CELSR1: variants seen among roughly 807,000 people sequenced by gnomAD.
The protein encoded by CELSR1 is adhesion G protein-coupled receptor C1.
In CELSR1, 110 loss-of-function variants were observed where a neutral mutation model predicts 249.1. The observed-to-expected ratio is 0.44, with a 90% CI of 0.38 to 0.52. The LOEUF (loss-of-function observed/expected upper bound fraction) is 0.52, where lower values mean the gene tolerates loss of function less well. Among genes scored for constraint, CELSR1 ranks in the 20% least tolerant of loss-of-function variants. CELSR1 has a pLI of 0.00. For synonymous variants in CELSR1, 2,113 were observed against 1,900.0 expected (o/e 1.11, Z -2.92); for missense variants, 4,109 against 4,296.4 (o/e 0.96, Z 1.22).
Position 46,389,301 on chromosome 22 carries a change from C to T in CELSR1, c.6544G>A (p.Asp2182Asn), listed in dbSNP as rs752702347. The T allele has an allele frequency of 6.9e-6, 11 of 1,605,778 alleles. No individual in the cohort carries two copies. Among genetic ancestry groups the T allele is most frequent in the African/African-American group, 1.3e-5 (1 of 74,892 alleles). ...GGCCACCCGCCTACCTCGTGAAAGT[C>T]GGCGTCCTGCGTGGCTGCCAGGTCG... ...GFDLAATQDA[D>N]FHEDVIHSGS... Residue 2182 changes from aspartate to asparagine, a missense_variant, in exon 18 of 35, where the codon GAC (aspartate) becomes AAC (asparagine). This residue lies in a region of CELSR1 where 1,805 missense variants were observed against 1,831.6 expected (regional missense o/e 0.99). Transcript: ENST00000674500.
Position 46,365,668 on chromosome 22 carries a change from G to C in CELSR1, c.8322C>G (p.Leu2774=), listed in dbSNP as rs34184256. The C allele has an allele frequency of 0.015, 23,978 of 1,580,286 alleles. 250 individuals carry two copies. Among genetic ancestry groups the C allele is most frequent in the South Asian group, 0.033 (2,863 of 86,324 alleles). ...SIVRDEGIQK[L]GVSSGLVRGS... ...CCCTCACCAGCCCAGAGGACACGCC[G>C]AGCTTCTGGATCCCTTCATCCCTAG... The change falls in exon 31 of 35, where the codon CTC becomes CTG. Residue 2774 remains leucine (L), a synonymous_variant. Coordinates refer to ENST00000674500, the MANE Select transcript of CELSR1 (RefSeq NM_001378328.1).
Position 46,469,357 on chromosome 22 carries a change from CTGG to C in CELSR1, c.3545-5015_3545-5013del, listed in dbSNP as rs2080130042. On this transcript the variant is annotated intron_variant, in intron 1 of 34. Coordinates refer to ENST00000674500, the MANE Select transcript of CELSR1 (RefSeq NM_001378328.1). ...CTGCCCCGGGGCCTTTGCGCATCTCCTGGCTGGAGCACTGCCCTCCTTCTCAGA... is the reference window on the plus strand; with the variant it reads ...CTGCCCCGGGGCCTTTGCGCATCTCCCTGGAGCACTGCCCTCCTTCTCAGA... Among the ~76,000 whole-genome samples the C allele has an allele frequency of 2.0e-5, 3 of 152,180 alleles. No individual in the cohort carries two copies. In the East Asian group the frequency reaches 5.8e-4, roughly 29 times the overall value.
At chr22:46,462,608 G>A (rs62231948) in intron 2 of CELSR1, among the ~76,000 whole-genome samples, 2,413 of 150,584 alleles carry the variant, frequency 0.016, 25 homozygotes, top group Non-Finnish European at 0.025. Context: ...AGTTATCTCC[G>A]GTATGAACCA....
chr22:46,433,598 T>G lies in CELSR1; in HGVS notation c.4523-117A>C, dbSNP rs1404187870. 2 of 689,848 alleles carry G rather than the reference T, an allele frequency of 2.9e-6. No homozygotes were observed. The highest frequency in any genetic ancestry group is 5.1e-6 in the Non-Finnish European group (2 of 394,624). The allele number at this position is 689,848 out of a possible 1,614,324, so 42.7% of individuals were successfully genotyped here. On this transcript the variant is annotated intron_variant, in intron 4 of 34. Coordinates refer to ENST00000674500, the MANE Select transcript of CELSR1 (RefSeq NM_001378328.1). The surrounding 1 kb of genome is among the most constrained non-coding windows in gnomAD (Gnocchi z 5.7). ...CAGGTGCACATGGCCACGTCCTCCC[T>G]CCCCTCCCCACGGCACCATGGTGGG...
Position 46,533,784 on chromosome 22 carries a change from G to A in CELSR1, c.3387C>T (p.Ala1129=). ...GGCTGTCTGACACGTCGGGGTCATG[G>A]GCCGGGATGCAGCCGATCACGCCGG... The part of the protein sequence containing the change: ...FPTGVIGCIP[A]HDPDVSDSLN... Residue 1129 remains alanine (A), a synonymous_variant, in exon 1 of 35, where the codon GCC becomes GCT. Transcript: ENST00000674500. 1.9e-6 allele frequency: 3 copies of A among 1,613,712 alleles called. No individual in the cohort carries two copies. Among genetic ancestry groups the A allele is most frequent in the Non-Finnish European group, 8.5e-7 (1 of 1,180,024 alleles).
chr22:46,378,477 C>T, intron 23 of CELSR1, 114 bp downstream of exon 23: 1 of 1,168,712 alleles, frequency 8.6e-7, no homozygotes, highest in Non-Finnish European at 1.2e-6. Context: ...GATTTGGGGG[C>T]AGGCTCAGCA....
chr22:46,514,443 C>T (rs2080605735), intron 1 of CELSR1, among the ~76,000 whole-genome samples: 2 of 152,222 alleles, frequency 1.3e-5, no homozygotes, highest in African/African-American at 4.8e-5. Flanking sequence ...CACCTGCACT[C>T]TGATCCCCGG....
intron 1 of CELSR1, among the ~76,000 whole-genome samples, chr22:46,520,289 G>A (rs2147790717): frequency 6.6e-6 from 1 of 152,090 alleles, no homozygotes; most frequent in Non-Finnish European, 1.5e-5. Flanking sequence ...CCCAGGACAG[G>A]ACCAAAGGAA....
intron 2 of CELSR1, among the ~76,000 whole-genome samples, chr22:46,453,671 G>T (rs889201877): frequency 3.9e-5 from 6 of 152,170 alleles, no homozygotes; most frequent in Non-Finnish European, 7.3e-5. Context: ...AGAGAGCAGA[G>T]AACACTCGCC....
intron 2 of CELSR1, among the ~76,000 whole-genome samples, chr22:46,442,554 G>A (rs921215722): frequency 1.3e-5 from 2 of 152,238 alleles, no homozygotes; most frequent in African/African-American, 4.8e-5. Context: ...GCTGGGGCCT[G>A]GAGTCTGTTT....
At chr22:46,474,993 G>C (rs928605812) in intron 1 of CELSR1, among the ~76,000 whole-genome samples, 2 of 152,068 alleles carry the variant, frequency 1.3e-5, no homozygotes, top group African/African-American at 4.8e-5. Context: ...CAAATGAGGA[G>C]CGTGTTAAAA....
At chr22:46,403,511 C>A (rs917221479) in intron 9 of CELSR1, among the ~76,000 whole-genome samples, 1 of 151,750 alleles carries the variant, frequency 6.6e-6, no homozygotes, top group Non-Finnish European at 1.5e-5. Flanking sequence ...GAGACGAGAT[C>A]AAGCCACTGC....
intron 5 of CELSR1, among the ~76,000 whole-genome samples, chr22:46,420,696 C>CTAA (rs1455846859): frequency 6.6e-6 from 1 of 152,202 alleles, no homozygotes; most frequent in Non-Finnish European, 1.5e-5. Flanking sequence ...CTGTAAAGAC[C>CTAA]TAATAGTCCC....
chr22:46,524,539 T>TGC (rs201822212), intron 1 of CELSR1, among the ~76,000 whole-genome samples: 28 of 71,400 alleles, frequency 3.9e-4, no homozygotes, highest in South Asian at 3.3e-3. Context: ...CCCCGTTGTG[T>TGC]GCGTGTGTGT....
At chr22:46,528,077 T>TG (rs1439242894) in intron 1 of CELSR1, among the ~76,000 whole-genome samples, 1 of 123,322 alleles carries the variant, frequency 8.1e-6, no homozygotes, top group Non-Finnish European at 1.6e-5. Context: ...CACTCCAGCC[T>TG]GGGAGACAGA....
At position 46,402,896 on chromosome 22, in the gene CELSR1, G is replaced by A. The variant is rs2079223309; in HGVS notation, c.5227-2994C>T. 6.6e-6 allele frequency among the ~76,000 whole-genome samples: 1 copy of A among 152,146 alleles called. No individual in the cohort carries two copies. The highest frequency in any genetic ancestry group is 1.5e-5 in the Non-Finnish European group (1 of 68,024). ...TTAGAAAAACAACTATTAGCACACT[G>A]CTTATATTATACCTGAAATATAAGG... On this transcript the variant is annotated intron_variant, in intron 9 of 34. Coordinates refer to ENST00000674500, the MANE Select transcript of CELSR1 (RefSeq NM_001378328.1). The surrounding 1 kb of genome is among the most constrained non-coding windows in gnomAD (Gnocchi z 5.0).
chr22:46,494,960 C>T (rs1247162268), intron 1 of CELSR1, among the ~76,000 whole-genome samples: 6 of 152,228 alleles, frequency 3.9e-5, no homozygotes, highest in East Asian at 3.8e-4. Context: ...ACAGTACAAT[C>T]GTGCATCACT....
chr22:46,501,252 G>A (rs1371890385), intron 1 of CELSR1, among the ~76,000 whole-genome samples: 2 of 147,714 alleles, frequency 1.4e-5, no homozygotes, highest in Non-Finnish European at 3.0e-5. Context: ...TGTTGCCCTG[G>A]CTGGAGTGCA....
intron 1 of CELSR1, among the ~76,000 whole-genome samples, chr22:46,474,788 C>CTTTTTTTTTTTTTTTTT (rs55932520): frequency 1.1e-5 from 1 of 89,624 alleles, no homozygotes; most frequent in African/African-American, 4.7e-5. Context: ...CTCTCTACTT[C>CTTTTTTTTTTTTTTTTT]TTTTTTTTTT....
Sources: allele counts gnomAD v4.1 joint callset (sites outside exome capture counted in the v4.1 genomes callset), GRCh38; gene constraint gnomAD v4.1.1; regional missense constraint gnomAD v4.1.1; non-coding constraint Gnocchi (gnomAD v3.1); transcripts MANE v1.5; gene names NCBI Gene and HGNC (gene_info 2026-07-23, HGNC 2026-07-21).